The following FSTL5 variants were observed in gnomAD, a reference collection of about 807,000 sequenced individuals.
FSTL5 encodes follistatin like 5, also known as follistatin-related protein 5.
In FSTL5, 62 loss-of-function variants were observed where a neutral mutation model predicts 89.1. That is an observed-to-expected ratio of 0.70 (90% CI 0.57 to 0.86). The LOEUF is 0.86. Among genes scored for constraint, FSTL5 ranks in the 40% least tolerant of loss-of-function variants. The pLI, the probability that FSTL5 is intolerant of heterozygous loss-of-function variation, is 0.00. For synonymous variants in FSTL5, 383 were observed against 346.2 expected (o/e 1.11, Z -1.18); for missense variants, 1,057 against 1,001.6 (o/e 1.06, Z -0.75).
chr4:161,651,632 A>T (rs1426161709), intron 7 of FSTL5, among the ~76,000 whole-genome samples: 1 of 152,188 alleles, frequency 6.6e-6, no homozygotes, highest in Non-Finnish European at 1.5e-5. Context: ...ACAGATTTAA[A>T]GTGTTTTTTC....
intron 15 of FSTL5, among the ~76,000 whole-genome samples, chr4:161,438,565 T>A (rs2126360949): frequency 6.6e-6 from 1 of 152,336 alleles, no homozygotes; most frequent in South Asian, 2.1e-4. Flanking sequence ...GTTTTTACAA[T>A]TTCTCATGAT....
chr4:162,016,322 T>C (rs1362310504), intron 3 of FSTL5, among the ~76,000 whole-genome samples: 2 of 152,292 alleles, frequency 1.3e-5, no homozygotes, highest in East Asian at 1.9e-4. Flanking sequence ...AAAAATAGAC[T>C]GTGATAATCT....
intron 4 of FSTL5, among the ~76,000 whole-genome samples, chr4:161,896,411 T>G (rs1445259774): frequency 6.6e-6 from 1 of 152,166 alleles, no homozygotes; most frequent in Non-Finnish European, 1.5e-5. Flanking sequence ...CATCAATGTA[T>G]TAATACTTTA....
rs1221994483 is a variant in FSTL5, at chr4:161,512,279, G to A, written c.1313-1855C>T. On this transcript the variant is annotated intron_variant, in intron 10 of 15. Transcript: ENST00000306100. ...AGTACCAATTGAGTACCTAACATGT[G>A]TTAGATGTATTCAGCACTCACATAC... is the stretch of plus-strand genomic sequence containing the variant. Among the ~76,000 whole-genome samples the A allele has an allele frequency of 7.2e-5, 11 of 152,154 alleles. 1 individual carries two copies. In the South Asian group the frequency reaches 2.1e-3, roughly 29 times the overall value.
chr4:161,625,392 T>C (rs1483343450), intron 7 of FSTL5, among the ~76,000 whole-genome samples: 1 of 152,134 alleles, frequency 6.6e-6, no homozygotes, highest in Admixed American at 6.6e-5. Context: ...ATTATTATAT[T>C]ATGATGATTG....
At chr4:161,450,389 G>A (rs1175516572) in intron 15 of FSTL5, among the ~76,000 whole-genome samples, 1 of 152,138 alleles carries the variant, frequency 6.6e-6, no homozygotes, top group African/African-American at 2.4e-5. Flanking sequence ...AATTGATTAT[G>A]TAAATCCTCA....
chr4:161,385,646 G>A lies in FSTL5; in HGVS notation c.*101C>T. Reference sequence around the variant, plus strand: ...TGGACCAACCAAGTAAATTTTGTTTGACTAGGATATAAACTTGGAAAGTTA... The same window carrying A: ...TGGACCAACCAAGTAAATTTTGTTTAACTAGGATATAAACTTGGAAAGTTA... On this transcript the variant is annotated 3_prime_UTR_variant, in exon 16 of 16. Transcript: ENST00000306100. The A allele has an allele frequency of 4.5e-6, 4 of 884,476 alleles. No individual in the cohort carries two copies. Among genetic ancestry groups the A allele is most frequent in the South Asian group, 3.5e-5 (2 of 56,412 alleles). 54.8% of individuals were successfully genotyped at this position (884,476 alleles called of 1,614,324 possible).
At chr4:161,473,757 A>T (rs1047844582) in intron 13 of FSTL5, among the ~76,000 whole-genome samples, 1 of 152,054 alleles carries the variant, frequency 6.6e-6, no homozygotes, top group Non-Finnish European at 1.5e-5. Context: ...GTCTATGGAG[A>T]CATATATTAG....
At chr4:162,082,453 T>C (rs729103) in intron 2 of FSTL5, among the ~76,000 whole-genome samples, 1 of 151,594 alleles carries the variant, frequency 6.6e-6, no homozygotes, top group African/African-American at 2.4e-5. Flanking sequence ...AATTAATGTT[T>C]ATTGTCTGCT....
intron 4 of FSTL5, among the ~76,000 whole-genome samples, chr4:161,912,821 T>C (rs764938325): frequency 1.2e-4 from 19 of 152,162 alleles, no homozygotes; most frequent in Non-Finnish European, 7.4e-5. Flanking sequence ...ACTTCTTGAA[T>C]GGCTTGGACA....
At chr4:161,639,179 C>G (rs1292694102) in intron 7 of FSTL5, among the ~76,000 whole-genome samples, 1 of 151,900 alleles carries the variant, frequency 6.6e-6, no homozygotes, top group African/African-American at 2.4e-5. Context: ...TAAATTTCCT[C>G]TTAGTTCTGA....
At chr4:161,877,623 G>A (rs1018351781) in intron 4 of FSTL5, among the ~76,000 whole-genome samples, 5 of 151,002 alleles carry the variant, frequency 3.3e-5, no homozygotes, top group African/African-American at 1.2e-4. Flanking sequence ...TCAGGAGATC[G>A]AGATCATCCT....
intron 3 of FSTL5, among the ~76,000 whole-genome samples, chr4:162,025,287 A>T (rs1737238217): frequency 6.6e-6 from 1 of 152,166 alleles, no homozygotes; most frequent in African/African-American, 2.4e-5. Flanking sequence ...TCTAATTTTA[A>T]CATTATATGA....
chr4:162,104,867 A>T (rs1436797020), intron 2 of FSTL5, among the ~76,000 whole-genome samples: 2 of 152,180 alleles, frequency 1.3e-5, no homozygotes, highest in African/African-American at 4.8e-5. Context: ...TCCCTGCCTG[A>T]CTAGAGCTTG....
At chr4:161,835,535 A>T in intron 4 of FSTL5, among the ~76,000 whole-genome samples, 1 of 152,196 alleles carries the variant, frequency 6.6e-6, no homozygotes, top group Non-Finnish European at 1.5e-5. Context: ...CATGGGAGAA[A>T]ATTTTCACAA....
intron 6 of FSTL5, among the ~76,000 whole-genome samples, chr4:161,744,926 T>C (rs952568020): frequency 6.6e-6 from 1 of 151,994 alleles, no homozygotes; most frequent in African/African-American, 2.4e-5. Context: ...TAAAAGGCCA[T>C]GTAATACAAA....
intron 2 of FSTL5, among the ~76,000 whole-genome samples, chr4:162,065,404 G>T (rs1438725982): frequency 6.6e-6 from 1 of 151,796 alleles, no homozygotes; most frequent in African/African-American, 2.4e-5. Flanking sequence ...GACCTGAATA[G>T]ACATGTTTTC....
chr4:161,941,618 G>T (rs546403370), intron 3 of FSTL5, among the ~76,000 whole-genome samples: 100 of 151,958 alleles, frequency 6.6e-4, no homozygotes, highest in African/African-American at 2.4e-3. Flanking sequence ...AAACATATAT[G>T]CACCAAATCT....
In FSTL5 at chr4:161,574,333, C is replaced by CT. The variant is rs898483588; in HGVS notation, c.1015+13121dup. On this transcript the variant is annotated intron_variant, in intron 8 of 15. Coordinates refer to ENST00000306100, the MANE Select transcript of FSTL5 (RefSeq NM_020116.5). ...ACTACAAAACATGACTTTCCTTTTT[C>CT]TTTTTTTTTTCTTTTTTTTTTTTAA... 2.4e-4 allele frequency among the ~76,000 whole-genome samples: 34 copies of CT among 142,018 alleles called. No individual in the cohort carries two copies. The South Asian group carries it at 2.5e-3, about 11-fold the overall frequency. 93.2% of individuals were successfully genotyped at this position (142,018 alleles called of 152,430 possible).
Sources: allele counts gnomAD v4.1 joint callset (sites outside exome capture counted in the v4.1 genomes callset), GRCh38; gene constraint gnomAD v4.1.1; transcripts MANE v1.5; gene names NCBI Gene and HGNC (gene_info 2026-07-23, HGNC 2026-07-21).